The following METAP1D variants were observed in gnomAD, a reference collection of about 807,000 sequenced individuals.
The protein encoded by METAP1D is methionyl aminopeptidase type 1D, mitochondrial, also known as methionine aminopeptidase 1D, mitochondrial.
In METAP1D, 31 loss-of-function variants were observed where a neutral mutation model predicts 40.5. The ratio of observed to expected loss-of-function variants is 0.77; its 90% CI spans 0.58 to 1.03. The LOEUF (loss-of-function observed/expected upper bound fraction) is 1.03. Among genes scored for constraint, METAP1D ranks in the 50% least tolerant of loss-of-function variants. METAP1D has a pLI of 0.00. For missense variants in METAP1D, 411 were observed against 420.7 expected (o/e 0.98, Z 0.20); for synonymous variants, 151 against 146.4 (o/e 1.03, Z -0.22).
intron 1 of METAP1D, among the ~76,000 whole-genome samples, chr2:172,037,357 A>C (rs1303695251): frequency 6.6e-6 from 1 of 152,046 alleles, no homozygotes; most frequent in East Asian, 1.9e-4. Context: ...GGTCATCGAT[A>C]TCTACTTGCT....
chr2:172,001,287 C>A (rs1015392769), intron 1 of METAP1D, among the ~76,000 whole-genome samples: 1 of 152,030 alleles, frequency 6.6e-6, no homozygotes, highest in African/African-American at 2.4e-5. Context: ...CACCTGTAAA[C>A]CCAGCACTTT....
intron 6 of METAP1D, among the ~76,000 whole-genome samples, chr2:172,074,961 CA>C (rs1690508970): frequency 6.6e-6 from 1 of 151,994 alleles, no homozygotes; most frequent in Admixed American, 6.6e-5. Flanking sequence ...TATTTTTAGT[CA>C]AAAAACTAGT....
At chr2:172,060,482 G>A (rs945359704) in intron 1 of METAP1D, among the ~76,000 whole-genome samples, 2 of 150,730 alleles carry the variant, frequency 1.3e-5, no homozygotes, top group Non-Finnish European at 2.9e-5. Context: ...CACAGAAAGA[G>A]CCACTGTTTA....
At chr2:172,000,055 A>C in intron 1 of METAP1D, 46 bp downstream of exon 1, 1 of 1,269,606 alleles carries the variant, frequency 7.9e-7, no homozygotes, top group Non-Finnish European at 1.0e-6. Context: ...ACGGTTGCTC[A>C]CTAGGTACGC....
At chr2:172,078,918 G>T (rs1293032253) in intron 7 of METAP1D, among the ~76,000 whole-genome samples, 1 of 152,178 alleles carries the variant, frequency 6.6e-6, no homozygotes, top group African/African-American at 2.4e-5. Flanking sequence ...GGGACAGGGA[G>T]AGGGGGCGAG....
At chr2:172,080,059 A>G in intron 8 of METAP1D, 69 bp from the exon 9 acceptor site, 1 of 1,391,548 alleles carries the variant, frequency 7.2e-7, no homozygotes. Context: ...CTTTTTTAAT[A>G]ATCAGCCGGA....
At chr2:172,038,018 G>T (rs2105428633) in intron 1 of METAP1D, among the ~76,000 whole-genome samples, 1 of 152,296 alleles carries the variant, frequency 6.6e-6, no homozygotes, top group East Asian at 1.9e-4. Flanking sequence ...TTTCCTGGGG[G>T]TACTCAGCCT....
intron 1 of METAP1D, among the ~76,000 whole-genome samples, chr2:172,033,261 A>G (rs1223567344): frequency 6.6e-6 from 1 of 152,092 alleles, no homozygotes; most frequent in East Asian, 1.9e-4. Context: ...TACGAGAAAG[A>G]AAAAAGGGAG....
chr2:172,010,466 A>C (rs1273732497), intron 1 of METAP1D, among the ~76,000 whole-genome samples: 1 of 126,258 alleles, frequency 7.9e-6, no homozygotes, highest in African/African-American at 2.9e-5. Context: ...TTTTTTAACA[A>C]CTTTTTTCCT....
At chr2:172,029,143 T>C (rs1689185306) in intron 1 of METAP1D, among the ~76,000 whole-genome samples, 1 of 152,220 alleles carries the variant, frequency 6.6e-6, no homozygotes, top group Non-Finnish European at 1.5e-5. Context: ...CATGGTGGTT[T>C]ACGCCTGTAA....
intron 1 of METAP1D, among the ~76,000 whole-genome samples, chr2:172,010,511 T>C (rs1688691880): frequency 6.8e-6 from 1 of 146,434 alleles, no homozygotes; most frequent in Non-Finnish European, 1.5e-5. Flanking sequence ...TTTTTTTTTT[T>C]TTAACAGAAT....
intron 6 of METAP1D, 103 bp from the exon 7 acceptor site, chr2:172,077,694 A>T: frequency 3.5e-6 from 2 of 570,620 alleles, no homozygotes; most frequent in Non-Finnish European, 6.2e-6. Flanking sequence ...AATATTACTG[A>T]CTTTTTCTTT....
intron 1 of METAP1D, among the ~76,000 whole-genome samples, chr2:172,053,100 T>C (rs182204993): frequency 1.4e-4 from 21 of 152,376 alleles, no homozygotes; most frequent in African/African-American, 4.8e-4. Context: ...ATGCAGACTA[T>C]TTAATTTTTC....
rs566075351 is a variant in METAP1D at position 172,041,112 on chromosome 2, A to G, written c.41-20386A>G. 1.5e-3 allele frequency among the ~76,000 whole-genome samples: 235 copies of G among 152,214 alleles called. 2 individuals are homozygous for G. The highest frequency in any genetic ancestry group is 2.7e-3 in the Non-Finnish European group (183 of 68,012). On this transcript the variant is annotated intron_variant, in intron 1 of 9. Coordinates refer to ENST00000315796, the MANE Select transcript of METAP1D (RefSeq NM_199227.3). Reference sequence around the variant, plus strand: ...GATAGCCACAGTATACAAGAACTGAAGGAGTCTGAGGCCCCCCAAAAGCAT... The same window carrying G: ...GATAGCCACAGTATACAAGAACTGAGGGAGTCTGAGGCCCCCCAAAAGCAT...
At chr2:172,044,948 A>C (rs1689703828) in intron 1 of METAP1D, among the ~76,000 whole-genome samples, 1 of 130,918 alleles carries the variant, frequency 7.6e-6, no homozygotes, top group Non-Finnish European at 1.7e-5. Flanking sequence ...CTAATAGGAG[A>C]CTTCACAAAA....
intron 1 of METAP1D, among the ~76,000 whole-genome samples, chr2:172,035,573 G>T (rs1408728415): frequency 6.6e-6 from 1 of 152,120 alleles, no homozygotes; most frequent in Non-Finnish European, 1.5e-5. Context: ...CCACTATCCT[G>T]ACTTTAGTAG....
At chr2:172,079,870 C>T (rs1455300951) in intron 8 of METAP1D, among the ~76,000 whole-genome samples, 1 of 152,094 alleles carries the variant, frequency 6.6e-6, no homozygotes, top group Non-Finnish European at 1.5e-5. Context: ...TTAAAATGCC[C>T]TTCTTTCTCT....
intron 1 of METAP1D, among the ~76,000 whole-genome samples, chr2:172,059,941 C>T (rs1045549294): frequency 2.6e-5 from 4 of 152,156 alleles, no homozygotes; most frequent in Non-Finnish European, 5.9e-5. Context: ...GTCCCAGCTA[C>T]TCTGGAGGCT....
chr2:172,018,147 A>C (rs74505723), intron 1 of METAP1D, among the ~76,000 whole-genome samples: 1 of 139,392 alleles, frequency 7.2e-6, no homozygotes. Context: ...AAAAAAAAAA[A>C]GGAAATTGCA....
Sources: allele counts gnomAD v4.1 joint callset (sites outside exome capture counted in the v4.1 genomes callset), GRCh38; gene constraint gnomAD v4.1.1; transcripts MANE v1.5; gene names NCBI Gene and HGNC (gene_info 2026-07-23, HGNC 2026-07-21).